KALRN: variants seen among roughly 807,000 people sequenced by gnomAD.
KALRN encodes the protein kalirin.
A neutral mutation model predicts 353.7 loss-of-function variants in KALRN; 70 were observed. The observed-to-expected ratio is 0.20, with a 90% CI of 0.16 to 0.24. KALRN has a LOEUF of 0.24. KALRN is among the 10% of genes least tolerant of loss of function. The probability of loss-of-function intolerance (pLI) is 1.00; values close to 1 mark genes in which losing one functional copy is unlikely to be tolerated. For synonymous variants in KALRN, 1,391 were observed against 1,434.8 expected (o/e 0.97, Z 0.69); for missense variants, 2,791 against 3,756.7 (o/e 0.74, Z 6.72).
chr3:124,594,479 C>A (rs2149389496), intron 34 of KALRN, among the ~76,000 whole-genome samples: 1 of 152,350 alleles, frequency 6.6e-6, no homozygotes, highest in South Asian at 2.1e-4. Context: ...CTGCCTTGGC[C>A]TCCCAAAGTG....
chr3:124,648,979 T>C (rs966273454), intron 37 of KALRN, among the ~76,000 whole-genome samples: 2 of 152,242 alleles, frequency 1.3e-5, no homozygotes, highest in African/African-American at 2.4e-5. Context: ...CTTCCATGGC[T>C]GATTACTTGT....
intron 1 of KALRN, chr3:124,152,217 A>G (rs1578669462): frequency 6.3e-7 from 1 of 1,583,912 alleles, no homozygotes; most frequent in African/African-American, 1.3e-5. Flanking sequence ...TGATTTTGCC[A>G]TAACCACGCT....
At chr3:124,703,935 G>A (rs1049231661) in intron 57 of KALRN, among the ~76,000 whole-genome samples, 1 of 152,092 alleles carries the variant, frequency 6.6e-6, no homozygotes, top group African/African-American at 2.4e-5. Context: ...CTCCCAAAGT[G>A]TGGGATTACA....
intron 34 of KALRN, among the ~76,000 whole-genome samples, chr3:124,568,159 A>C (rs972664154): frequency 5.3e-5 from 8 of 152,222 alleles, no homozygotes; most frequent in South Asian, 2.1e-4. Flanking sequence ...CAACAACAAC[A>C]ACCAAAAACT....
intron 1 of KALRN, among the ~76,000 whole-genome samples, chr3:124,165,055 T>C (rs1226049530): frequency 6.6e-6 from 1 of 152,216 alleles, no homozygotes; most frequent in Non-Finnish European, 1.5e-5. Context: ...AGTTTCTAGG[T>C]TTCTCGTAAA....
chr3:124,656,776 A>G (rs900363222), intron 39 of KALRN, among the ~76,000 whole-genome samples: 2 of 152,196 alleles, frequency 1.3e-5, no homozygotes, highest in East Asian at 3.8e-4. Context: ...AAACAGATTA[A>G]CCAGCCATAT....
At chr3:124,439,401 A>T (rs1560947244) in intron 18 of KALRN, among the ~76,000 whole-genome samples, 1 of 152,148 alleles carries the variant, frequency 6.6e-6, no homozygotes, top group Non-Finnish European at 1.5e-5. Context: ...GGCGATCAGG[A>T]TACACTGTTA....
At chr3:124,521,315 A>G (rs1374309517) in intron 33 of KALRN, among the ~76,000 whole-genome samples, 2 of 152,210 alleles carry the variant, frequency 1.3e-5, no homozygotes, top group African/African-American at 4.8e-5. Flanking sequence ...AGTAGAGGAG[A>G]CAGATATTAG....
chr3:124,208,038 C>T (rs2076568525), intron 1 of KALRN, among the ~76,000 whole-genome samples: 1 of 152,170 alleles, frequency 6.6e-6, no homozygotes, highest in Non-Finnish European at 1.5e-5. Flanking sequence ...CACGCTTTCC[C>T]CCCCAGTTCA....
intron 1 of KALRN, among the ~76,000 whole-genome samples, chr3:124,171,592 G>C (rs1324667128): frequency 6.6e-6 from 1 of 152,062 alleles, no homozygotes; most frequent in Non-Finnish European, 1.5e-5. Context: ...CAGACTGAGG[G>C]GGTAGCAAAA....
chr3:124,287,349 C>T (rs1197212837), intron 5 of KALRN, among the ~76,000 whole-genome samples: 2 of 152,038 alleles, frequency 1.3e-5, no homozygotes, highest in Admixed American at 1.3e-4. Context: ...TTAGTGAAGA[C>T]TTTAAGGTAG....
intron 34 of KALRN, among the ~76,000 whole-genome samples, chr3:124,576,450 C>G (rs1209464840): frequency 6.6e-6 from 1 of 152,118 alleles, no homozygotes; most frequent in Non-Finnish European, 1.5e-5. Context: ...GTAAAGGAAA[C>G]TGGCTTAAGC....
intron 10 of KALRN, among the ~76,000 whole-genome samples, chr3:124,378,085 GT>G (rs2086833356): frequency 2.0e-5 from 3 of 151,670 alleles, no homozygotes; most frequent in Admixed American, 6.6e-5. Context: ...CTATCACCTT[GT>G]TTTTTTCTTT....
intron 3 of KALRN, among the ~76,000 whole-genome samples, chr3:124,261,427 T>TA: frequency 6.6e-6 from 1 of 152,312 alleles, no homozygotes; most frequent in South Asian, 2.1e-4. Context: ...CTATGCCCCT[T>TA]ACTTGAAACC....
At chr3:124,608,609 C>T (rs1463623387) in intron 34 of KALRN, among the ~76,000 whole-genome samples, 3 of 152,172 alleles carry the variant, frequency 2.0e-5, no homozygotes, top group African/African-American at 7.2e-5. Context: ...ATTCTGGCTT[C>T]TGGGAGCTGC....
At chr3:124,579,894 G>A (rs961879929) in intron 34 of KALRN, among the ~76,000 whole-genome samples, 2 of 152,120 alleles carry the variant, frequency 1.3e-5, no homozygotes, top group Non-Finnish European at 2.9e-5. Context: ...CCACACCCAG[G>A]TCATGGGCTT....
intron 33 of KALRN, among the ~76,000 whole-genome samples, chr3:124,546,661 C>G (rs188102638): frequency 5.4e-4 from 82 of 152,212 alleles, no homozygotes; most frequent in African/African-American, 2.0e-3. Context: ...TGGTCTTAGA[C>G]CCAAAAGCGC....
chr3:124,110,518 A>C (rs367692104), intron 1 of KALRN, among the ~76,000 whole-genome samples: 89 of 151,636 alleles, frequency 5.9e-4, no homozygotes, highest in African/African-American at 2.0e-3. Context: ...ATTACCACAA[A>C]TGTGGGTCTC....
At chr3:124,613,181 G>A (rs1431504795) in intron 34 of KALRN, among the ~76,000 whole-genome samples, 1 of 132,972 alleles carries the variant, frequency 7.5e-6, no homozygotes, top group Non-Finnish European at 1.6e-5. Flanking sequence ...GTATTTGGCA[G>A]CAGAGTGGTT....
Sources: allele counts gnomAD v4.1 joint callset (sites outside exome capture counted in the v4.1 genomes callset), GRCh38; gene constraint gnomAD v4.1.1; transcripts MANE v1.5; gene names NCBI Gene and HGNC (gene_info 2026-07-23, HGNC 2026-07-21).